E2F6: variants seen among roughly 807,000 people sequenced by gnomAD.
E2F6 encodes transcription factor E2F6.
In E2F6, 19 loss-of-function variants were observed where a neutral mutation model predicts 31.5. That is an observed-to-expected ratio of 0.60 (90% CI 0.42 to 0.89). The LOEUF (loss-of-function observed/expected upper bound fraction) is 0.89. Among genes scored for constraint, E2F6 ranks in the 40% least tolerant of loss-of-function variants. E2F6 has a pLI of 0.00. For synonymous variants in E2F6, 121 were observed against 127.7 expected (o/e 0.95, Z 0.36); for missense variants, 269 against 341.6 (o/e 0.79, Z 1.67).
rs142341163 is a variant in E2F6, at chr2:11,466,097, A to G, written c.-218T>C. ...GGGAGCTCCCGACGCAGACGGAAAA[A>G]GAGGAGGGAGACCCGCGGATCTCAA... On this transcript the variant is annotated 5_prime_UTR_variant, in exon 1 of 7. Coordinates refer to ENST00000381525, the MANE Select transcript of E2F6 (RefSeq NM_198256.4). 0.012 allele frequency: 6,048 copies of G among 500,944 alleles called. 52 individuals carry two copies. The highest frequency in any genetic ancestry group is 0.03 in the Middle Eastern group (58 of 1,944). 31.0% of individuals were successfully genotyped at this position (500,944 alleles called of 1,614,324 possible).
chr2:11,448,392 T>G (rs1670855263), intron 5 of E2F6, among the ~76,000 whole-genome samples: 1 of 152,214 alleles, frequency 6.6e-6, no homozygotes. Context: ...TATAAATGAT[T>G]GCTTTAATTG....
chr2:11,458,588 A>G (rs927021806), intron 1 of E2F6, among the ~76,000 whole-genome samples: 6 of 152,250 alleles, frequency 3.9e-5, no homozygotes, highest in African/African-American at 1.4e-4. Flanking sequence ...CTAGGACATA[A>G]TTAAGTAAAT....
rs533224060 is a variant in E2F6 at position 11,466,150 on chromosome 2, G to A, written c.-271C>T. ...CGCCCGGCCCGCCATCTTCCCGCAT[G>A]CGCAGTACACCGCCCCCCTCTGCGC... is the stretch of plus-strand genomic sequence containing the variant. On this transcript the variant is annotated 5_prime_UTR_variant, in exon 1 of 7. Coordinates refer to ENST00000381525, the MANE Select transcript of E2F6 (RefSeq NM_198256.4). 167 of 434,846 alleles carry A rather than the reference G, an allele frequency of 3.8e-4. 1 individual carries two copies. The highest frequency in any genetic ancestry group is 3.2e-3 in the African/African-American group (150 of 47,430). The allele number at this position is 434,846 out of a possible 1,614,324, so 26.9% of individuals were successfully genotyped here. A position where few individuals can be genotyped will look rare whatever the true frequency, so the allele number is the denominator to read the frequency against.
chr2:11,446,672 C>A (rs959797299), intron 6 of E2F6, 149 bp from the exon 7 acceptor site: 6 of 609,118 alleles, frequency 9.9e-6, no homozygotes, highest in Non-Finnish European at 1.7e-5. Flanking sequence ...AGGTTAATGG[C>A]ATAAGGCTAA....
intron 3 of E2F6, among the ~76,000 whole-genome samples, chr2:11,452,440 C>A (rs1671127947): frequency 6.6e-6 from 1 of 152,014 alleles, no homozygotes; most frequent in South Asian, 2.1e-4. Context: ...CCCGTCTCTA[C>A]TAAAAATACA....
chr2:11,457,229 G>C lies in E2F6; in HGVS notation c.113C>G (p.Ser38Ter). 2 of 1,536,256 alleles carry C rather than the reference G, an allele frequency of 1.3e-6. No homozygotes were observed. Among genetic ancestry groups the C allele is most frequent in the Non-Finnish European group, 1.8e-6 (2 of 1,113,976 alleles). ...DPINVEGLLP[S>*]KIRINLEDNV... is the part of the protein sequence containing the mutation. ...ATCTTCTAAATTAATCCTTATTTTT[G>C]ATGGCTGAAAAAAAAGATAAAAAAT... The change falls in exon 2 of 7, where the codon TCA becomes TGA. Residue 38 changes from serine to a stop codon, truncating the protein, a stop_gained. Transcript: ENST00000381525. LOFTEE classifies it high-confidence loss of function.
chr2:11,458,130 G>T, intron 1 of E2F6: 1 of 730,928 alleles, frequency 1.4e-6, no homozygotes, highest in Non-Finnish European at 2.4e-6. Flanking sequence ...TAACATCAAT[G>T]TTAATGTGCC....
intron 1 of E2F6, among the ~76,000 whole-genome samples, chr2:11,459,483 CATTT>C (rs1004512092): frequency 6.6e-5 from 10 of 152,274 alleles, no homozygotes; most frequent in Admixed American, 1.3e-4. Flanking sequence ...CAAGAGCATT[CATTT>C]GTTTTTTTTT....
At position 11,465,899 on chromosome 2, in the gene E2F6, T is replaced by G; in HGVS notation, c.-20A>C. On this transcript the variant is annotated 5_prime_UTR_variant, in exon 1 of 7. Transcript: ENST00000381525. ...ACTCATGCTGCCCGGCCGGGCGTCC[T>G]GCTCCCCTCGCACCCCACGAGCTCT... The G allele has an allele frequency of 6.6e-7, 1 of 1,526,660 alleles. No individual in the cohort carries two copies. Among genetic ancestry groups the G allele is most frequent in the Non-Finnish European group, 8.8e-7 (1 of 1,134,526 alleles). The allele number at this position is 1,526,660 out of a possible 1,614,324, so 94.6% of individuals were successfully genotyped here. A position where few individuals can be genotyped will look rare whatever the true frequency, so the allele number is the denominator to read the frequency against.
At chr2:11,449,986 CT>C (rs1204518952) in intron 5 of E2F6, 25 bp downstream of exon 5, 2 of 1,572,962 alleles carry the variant, frequency 1.3e-6, no homozygotes, top group East Asian at 4.5e-5. Flanking sequence ...CTCTTTAAAT[CT>C]TTTTAAAAAT....
At position 11,453,662 on chromosome 2, in the gene E2F6, C is replaced by T. The variant is rs1179011506; in HGVS notation, c.300G>A (p.Lys100=). The T allele has an allele frequency of 7.4e-6, 12 of 1,614,186 alleles. No homozygotes were observed. Among genetic ancestry groups the T allele is most frequent in the Non-Finnish European group, 9.3e-6 (11 of 1,180,052 alleles). Residue 100 remains lysine, a synonymous_variant, in exon 3 of 7, where the codon AAG becomes AAA. Transcript: ENST00000381525. ...NKVATKLGVR[K]RRVYDITNVL... The stretch of plus-strand genomic sequence containing the variant: ...CATTGGTGATGTCATACACTCTCCG[C>T]TTTCGGACTCCCAGTTTCGTTGCAA...
chr2:11,458,486 G>A, intron 1 of E2F6: 1 of 838,286 alleles, frequency 1.2e-6, no homozygotes, highest in South Asian at 1.5e-5. Flanking sequence ...TTGAAGCTGG[G>A]AGGGCATGCT....
Position 11,447,725 on chromosome 2 carries a change from T to C in E2F6, c.701A>G (p.Tyr234Cys). ...CTGACCCTGCTCCACTTCACACAAA[T>C]AGACATCGATAGGTCCGTTGGTGCT... Reference protein sequence around the residue: ...IRSTNGPIDVYLCEVEQGQTS... With the variant: ...IRSTNGPIDVCLCEVEQGQTS... Residue 234 changes from tyrosine to cysteine, a missense_variant, in exon 6 of 7, where the codon TAT becomes TGT. Coordinates refer to ENST00000381525, the MANE Select transcript of E2F6 (RefSeq NM_198256.4). The C allele has an allele frequency of 6.2e-7, 1 of 1,612,210 alleles. No homozygotes were observed. Among genetic ancestry groups the C allele is most frequent in the Non-Finnish European group, 8.5e-7 (1 of 1,180,020 alleles).
rs150812241 is a variant in E2F6 at position 11,451,576 on chromosome 2, C to G, written c.536+75G>C. On this transcript the variant is annotated intron_variant, in intron 4 of 6. Transcript: ENST00000381525. ...ATATCTTAAATATATAAATTAAGTC[C>G]CCAAGCTGACTCTACTACTTAAGTA... 6.9e-4 allele frequency: 959 copies of G among 1,387,554 alleles called. 6 individuals are homozygous for G. In the African/African-American group the frequency reaches 0.012, roughly 18 times the overall value. 86.0% of individuals were successfully genotyped at this position (1,387,554 alleles called of 1,614,324 possible). A position where few individuals can be genotyped will look rare whatever the true frequency, so the allele number is the denominator to read the frequency against.
chr2:11,458,199 A>G (rs1671531506), intron 1 of E2F6: 3 of 1,503,354 alleles, frequency 2.0e-6, no homozygotes, highest in African/African-American at 2.8e-5. Flanking sequence ...CCATAAAGCA[A>G]AACTGGGGCA....
chr2:11,464,368 T>C (rs1231634327), intron 1 of E2F6, among the ~76,000 whole-genome samples: 1 of 151,376 alleles, frequency 6.6e-6, no homozygotes, highest in Non-Finnish European at 1.5e-5. Context: ...CAAAAAAAAA[T>C]TAGCCGTGCG....
chr2:11,453,316 TTAC>T lies in E2F6; in HGVS notation c.380+263_380+265del, dbSNP rs566284918. Among the ~76,000 whole-genome samples, 11 of 152,330 alleles carry T rather than the reference TTAC, an allele frequency of 7.2e-5. No homozygotes were observed. The South Asian group carries it at 1.0e-3, about 14-fold the overall frequency. On this transcript the variant is annotated intron_variant, in intron 3 of 6. Coordinates refer to ENST00000381525, the MANE Select transcript of E2F6 (RefSeq NM_198256.4). ...CCAGAGGCAGTAAGCCTCTAGGTGTTTACTACACTTCTGTGTGAAAACCACTGT... is the reference window on the plus strand; with the variant it reads ...CCAGAGGCAGTAAGCCTCTAGGTGTTTACACTTCTGTGTGAAAACCACTGT...
At chr2:11,452,332 G>A (rs1671120068) in intron 3 of E2F6, among the ~76,000 whole-genome samples, 1 of 152,190 alleles carries the variant, frequency 6.6e-6, no homozygotes, top group African/African-American at 2.4e-5. Flanking sequence ...GGCCAGGCAT[G>A]GTGGGTCACG....
chr2:11,456,703 G>T (rs1211424839), intron 2 of E2F6, among the ~76,000 whole-genome samples: 1 of 152,144 alleles, frequency 6.6e-6, no homozygotes, highest in Non-Finnish European at 1.5e-5. Flanking sequence ...ACCAACTATG[G>T]GTGAGACTGG....
Sources: gnomAD v4.1 joint callset for allele counts (sites outside exome capture counted in the v4.1 genomes callset) on GRCh38, gnomAD v4.1.1 for gene constraint, MANE v1.5 for transcripts, NCBI Gene and HGNC (gene_info 2026-07-23, HGNC 2026-07-21) for gene names.